The following EYS variants were observed in gnomAD, a reference collection of about 807,000 sequenced individuals.
EYS encodes protein eyes shut homolog.
In EYS, 250 loss-of-function variants were observed where a neutral mutation model predicts 282.1. The ratio of observed to expected loss-of-function variants is 0.89; its 90% confidence interval spans 0.80 to 0.98. The LOEUF (loss-of-function observed/expected upper bound fraction) is 0.98, where lower values mean the gene tolerates loss of function less well. Among genes scored for constraint, EYS ranks in the 50% least tolerant of loss-of-function variants. The pLI is 0.00. For synonymous variants in EYS, 1,355 were observed against 1,282.9 expected (o/e 1.06, Z -1.20); for missense variants, 4,016 against 3,709.0 (o/e 1.08, Z -2.15).
intron 22 of EYS, among the ~76,000 whole-genome samples, chr6:64,654,586 G>T (rs752633094): frequency 2.0e-5 from 3 of 152,146 alleles, no homozygotes; most frequent in African/African-American, 7.2e-5. Context: ...GCACTGTATA[G>T]AATGATTAAA....
chr6:65,671,403 T>C (rs571718634), intron 1 of EYS, among the ~76,000 whole-genome samples: 1 of 152,230 alleles, frequency 6.6e-6, no homozygotes, highest in African/African-American at 2.4e-5. Context: ...AACACTTGTG[T>C]TCTGCAAATT....
chr6:65,316,601 G>A (rs1769301354), intron 11 of EYS, among the ~76,000 whole-genome samples: 1 of 150,778 alleles, frequency 6.6e-6, no homozygotes, highest in East Asian at 1.9e-4. Flanking sequence ...ATCTACATTA[G>A]GTATTTCTCC....
chr6:65,311,759 G>A (rs1341906984), intron 11 of EYS, among the ~76,000 whole-genome samples: 4 of 152,148 alleles, frequency 2.6e-5, no homozygotes, highest in Admixed American at 2.6e-4. Flanking sequence ...TTGATTTTCT[G>A]TTTAGTAGGC....
chr6:65,257,897 T>C (rs1443527937), intron 12 of EYS, among the ~76,000 whole-genome samples: 3 of 151,898 alleles, frequency 2.0e-5, no homozygotes, highest in Non-Finnish European at 4.4e-5. Flanking sequence ...AGTTCAAAAA[T>C]ATAGTTAAAA....
At chr6:64,329,052 AATT>A (rs1561932812) in intron 29 of EYS, among the ~76,000 whole-genome samples, 1 of 152,122 alleles carries the variant, frequency 6.6e-6, no homozygotes, top group Non-Finnish European at 1.5e-5. Flanking sequence ...GGCAGGAATC[AATT>A]ATTATTATGA....
At chr6:64,888,468 A>C (rs1420116263) in intron 18 of EYS, among the ~76,000 whole-genome samples, 3 of 152,040 alleles carry the variant, frequency 2.0e-5, no homozygotes, top group Non-Finnish European at 2.9e-5. Context: ...ATTATGTGTA[A>C]ATGAAAAATA....
intron 5 of EYS, among the ~76,000 whole-genome samples, chr6:65,464,242 G>A (rs1215025822): frequency 6.6e-6 from 1 of 152,080 alleles, no homozygotes; most frequent in Non-Finnish European, 1.5e-5. Context: ...CAGGAGATAT[G>A]AAGCAAAGAA....
chr6:64,207,696 C>CA (rs1466037116), intron 31 of EYS, among the ~76,000 whole-genome samples: 1 of 151,910 alleles, frequency 6.6e-6, no homozygotes, highest in African/African-American at 2.4e-5. Flanking sequence ...GAGTCTGTGT[C>CA]ACCCAGGCCG....
chr6:64,419,866 G>T (rs1832490), intron 28 of EYS, among the ~76,000 whole-genome samples: 2 of 152,000 alleles, frequency 1.3e-5, no homozygotes, highest in African/African-American at 4.8e-5. Context: ...TTGTTGGTGG[G>T]TCTACCATTC....
At chr6:65,620,793 C>T (rs1277629987) in intron 2 of EYS, among the ~76,000 whole-genome samples, 1 of 151,902 alleles carries the variant, frequency 6.6e-6, no homozygotes, top group African/African-American at 2.4e-5. Context: ...TTTATTTCTG[C>T]CTTCATTTTG....
chr6:65,565,027 C>T lies in EYS; in HGVS notation c.-332-69034G>A, dbSNP rs1458299062. Among the ~76,000 whole-genome samples, 2 of 56,108 alleles carry T rather than the reference C, an allele frequency of 3.6e-5. 1 individual carries two copies. Among genetic ancestry groups the T allele is most frequent in the Admixed American group, 4.8e-4 (2 of 4,154 alleles). The allele number at this position is 56,108 out of a possible 152,430, so 36.8% of individuals were successfully genotyped here. On this transcript the variant is annotated intron_variant, in intron 2 of 42. Coordinates refer to ENST00000503581, the MANE Select transcript of EYS (RefSeq NM_001142800.2). The stretch of plus-strand genomic sequence containing the variant: ...TTGGGAGGCCGAGGCGGGCGGATCA[C>T]GAGGTCAGGAGATCGAGACCATCCC...
At chr6:64,408,721 AACTCTGAAATTAT>A (rs1366301127) in intron 28 of EYS, among the ~76,000 whole-genome samples, 2 of 152,200 alleles carry the variant, frequency 1.3e-5, no homozygotes, top group Non-Finnish European at 2.9e-5. Context: ...AGAATTGGTA[AACTCTGAAATTAT>A]ACCATAGTCA....
intron 12 of EYS, among the ~76,000 whole-genome samples, chr6:65,083,893 A>G (rs1774292027): frequency 6.6e-6 from 1 of 151,788 alleles, no homozygotes; most frequent in Admixed American, 6.6e-5. Context: ...AAATTTTTAT[A>G]TTACTCTAAG....
intron 39 of EYS, among the ~76,000 whole-genome samples, chr6:63,780,882 G>A (rs1439835769): frequency 1.3e-5 from 2 of 152,164 alleles, no homozygotes; most frequent in Non-Finnish European, 2.9e-5. Context: ...ATGGTTTTAG[G>A]TCTAACATTT....
intron 12 of EYS, among the ~76,000 whole-genome samples, chr6:65,244,923 A>G (rs565849494): frequency 3.3e-5 from 5 of 152,312 alleles, no homozygotes; most frequent in Middle Eastern, 3.4e-3. Context: ...ATCTTTAGAC[A>G]CACTAATGTC....
chr6:65,490,682 GC>G lies in EYS; in HGVS notation c.773del (p.Gly258AlafsTer81). On this transcript the variant is annotated frameshift_variant, in exon 5 of 43. Transcript: ENST00000503581. LOFTEE classifies it high-confidence loss of function. The part of the protein sequence containing the change: ...FTGKNCSEII[G>X]QCQPHVCFHG... ...GGAAACAGACATGTGGTTGACACTG[GC>G]CAATTATTTCTGAGCAATTCTTTCC... 6.2e-7 allele frequency: 1 copy of G among 1,611,548 alleles called. No individual in the cohort carries two copies. Among genetic ancestry groups the G allele is most frequent in the South Asian group, 1.1e-5 (1 of 90,976 alleles).
intron 22 of EYS, among the ~76,000 whole-genome samples, chr6:64,759,150 GAAAAGAAAAGAAAA>G (rs1773079398): frequency 3.5e-5 from 1 of 28,466 alleles, no homozygotes; most frequent in African/African-American, 4.4e-5. Flanking sequence ...AAAAAGAAAA[GAAAAGAAAAGAAAA>G]AAAATTAGTC....
At chr6:65,233,348 T>A (rs748363264) in intron 12 of EYS, among the ~76,000 whole-genome samples, 2 of 152,178 alleles carry the variant, frequency 1.3e-5, no homozygotes, top group Non-Finnish European at 2.9e-5. Context: ...TGCTGCCGTT[T>A]GCTTGGTCAT....
At chr6:65,043,053 T>C (rs970518567) in intron 13 of EYS, among the ~76,000 whole-genome samples, 5 of 151,550 alleles carry the variant, frequency 3.3e-5, no homozygotes, top group Admixed American at 2.0e-4. Flanking sequence ...TAGATATCTT[T>C]TGATTTTATT....
Sources: allele counts gnomAD v4.1 joint callset (sites outside exome capture counted in the v4.1 genomes callset), GRCh38; gene constraint gnomAD v4.1.1; transcripts MANE v1.5; gene names NCBI Gene and HGNC (gene_info 2026-07-23, HGNC 2026-07-21).